The following NEO1 variants were observed in gnomAD, a reference collection of about 807,000 sequenced individuals.
The protein encoded by NEO1 is neogenin.
A neutral mutation model predicts 159.7 loss-of-function variants in NEO1; 63 were observed. The ratio of observed to expected loss-of-function variants is 0.39; its 90% CI spans 0.32 to 0.49. The LOEUF (loss-of-function observed/expected upper bound fraction) is 0.49. Ranked by LOEUF, NEO1 falls within the 20% of genes least tolerant of loss-of-function variation. The pLI is 0.85. For missense variants in NEO1, 1,615 were observed against 1,831.0 expected, an observed-to-expected ratio of 0.88 and a Z score of 2.15; for synonymous variants, 633 against 662.0, an observed-to-expected ratio of 0.96 and a Z score of 0.67.
intron 1 of NEO1, among the ~76,000 whole-genome samples, chr15:73,066,342 T>TTTA (rs1555420601): frequency 6.9e-6 from 1 of 145,812 alleles, no homozygotes; most frequent in African/African-American, 2.6e-5. Flanking sequence ...TTTTTTTTTT[T>TTTA]AAATAGTTTG....
chr15:73,182,889 A>G (rs547807946), intron 7 of NEO1, among the ~76,000 whole-genome samples: 2 of 152,038 alleles, frequency 1.3e-5, no homozygotes, highest in South Asian at 2.1e-4. Flanking sequence ...TCCCCACACA[A>G]CCCCCTCAAA....
chr15:73,104,029 A>T (rs544989036), intron 1 of NEO1, among the ~76,000 whole-genome samples: 6 of 152,032 alleles, frequency 3.9e-5, no homozygotes, highest in Middle Eastern at 3.4e-3. Context: ...TAATTTTTTT[A>T]AATGTATTTT....
intron 5 of NEO1, among the ~76,000 whole-genome samples, chr15:73,173,130 A>G (rs912777812): frequency 2.0e-5 from 3 of 152,216 alleles, no homozygotes; most frequent in East Asian, 1.9e-4. Context: ...AGTTGCAAAC[A>G]TCTTCAGTTT....
At chr15:73,154,802 A>G (rs764012271) in intron 5 of NEO1, among the ~76,000 whole-genome samples, 11 of 152,318 alleles carry the variant, frequency 7.2e-5, no homozygotes, top group Non-Finnish European at 1.3e-4. Flanking sequence ...CATTCCACCA[A>G]TCTATATCTT....
rs534773255 is a variant in NEO1 at position 73,199,866 on chromosome 15, C to T, written c.1291+21439C>T. On this transcript the variant is annotated intron_variant, in intron 7 of 28. Coordinates refer to ENST00000261908, the MANE Select transcript of NEO1 (RefSeq NM_002499.4). ...TATTGGGGAGGAACACTGTGTCTTC[C>T]GTGGCAAAAGGGGGACCTTCAACCT... Among the ~76,000 whole-genome samples the T allele has an allele frequency of 3.9e-4, 60 of 152,178 alleles. 1 individual carries two copies. The highest frequency in any genetic ancestry group is 1.4e-3 in the Admixed American group (22 of 15,284).
At chr15:73,153,996 C>T (rs1175271466) in intron 5 of NEO1, among the ~76,000 whole-genome samples, 3 of 151,916 alleles carry the variant, frequency 2.0e-5, no homozygotes, top group African/African-American at 7.2e-5. Context: ...ATTTTATTTC[C>T]AAGGTATAAT....
chr15:73,062,532 T>G (rs2068029371), intron 1 of NEO1, among the ~76,000 whole-genome samples: 1 of 152,228 alleles, frequency 6.6e-6, no homozygotes, highest in African/African-American at 2.4e-5. Context: ...CATGCTAACC[T>G]GATGTGGATT....
Position 73,220,441 on chromosome 15 carries a change from A to G in NEO1, c.1292-15906A>G, listed in dbSNP as rs2038172703. Among the ~76,000 whole-genome samples the G allele has an allele frequency of 2.0e-5, 3 of 151,824 alleles. No individual in the cohort carries two copies. In the South Asian group the frequency reaches 6.3e-4, roughly 32 times the overall value. On this transcript the variant is annotated intron_variant, in intron 7 of 28. Coordinates refer to ENST00000261908, the MANE Select transcript of NEO1 (RefSeq NM_002499.4). ...TCTTCTCGAGGAGTATCTTTGTGGC[A>G]TTCTCTGTATTTCCTGAATCTGAAT...
At chr15:73,174,426 G>A (rs148623171) in intron 5 of NEO1, among the ~76,000 whole-genome samples, 1 of 152,192 alleles carries the variant, frequency 6.6e-6, no homozygotes, top group Admixed American at 6.5e-5. Context: ...GATGACATGA[G>A]TTGGAGCTGG....
chr15:73,138,545 A>T (rs945162586), intron 5 of NEO1, among the ~76,000 whole-genome samples: 1 of 152,058 alleles, frequency 6.6e-6, no homozygotes, highest in Non-Finnish European at 1.5e-5. Flanking sequence ...TCACGAGGTC[A>T]GGAGATCGAG....
intron 4 of NEO1, among the ~76,000 whole-genome samples, chr15:73,133,122 A>T (rs1435234562): frequency 6.6e-6 from 1 of 152,196 alleles, no homozygotes; most frequent in African/African-American, 2.4e-5. Flanking sequence ...AAAAATATGG[A>T]ACCAGCCCAA....
rs778270229 is a variant in NEO1 at position 73,052,703 on chromosome 15, C to T, written c.28C>T (p.Leu10Phe). ...GGCGGCGGAGCGGGGAGCCCGGCGA[C>T]TCCTCAGCACCCCCTCCTTCTGGCT... MAAERGARRLLSTPSFWLYC... is the reference protein window; with the variant it reads MAAERGARRFLSTPSFWLYC... Residue 10 changes from leucine (L) to phenylalanine (F), a missense_variant, in exon 1 of 29, where the codon CTC becomes TTC. Around this residue, in one of 3 missense-constraint regions of NEO1, gnomAD observed 1,018 missense variants for 1,115.4 expected, o/e 0.91. Transcript: ENST00000261908. 2.2e-6 allele frequency: 3 copies of T among 1,357,798 alleles called. No homozygotes were observed. The highest frequency in any genetic ancestry group is 2.8e-5 in the Admixed American group (1 of 36,000). The allele number at this position is 1,357,798 out of a possible 1,614,324, so 84.1% of individuals were successfully genotyped here.
intron 1 of NEO1, among the ~76,000 whole-genome samples, chr15:73,115,012 A>G (rs1422015345): frequency 1.3e-5 from 2 of 152,228 alleles, no homozygotes; most frequent in Non-Finnish European, 2.9e-5. Context: ...CTTGAAAAAT[A>G]AATTTCATGG....
intron 5 of NEO1, among the ~76,000 whole-genome samples, chr15:73,156,288 C>T (rs967658376): frequency 2.0e-5 from 3 of 152,128 alleles, no homozygotes; most frequent in African/African-American, 7.2e-5. Context: ...TTGGTGGAGT[C>T]TGTGATGAGG....
At chr15:73,241,850 T>C (rs560095284) in intron 8 of NEO1, among the ~76,000 whole-genome samples, 1 of 152,346 alleles carries the variant, frequency 6.6e-6, no homozygotes, top group African/African-American at 2.4e-5. Flanking sequence ...ATGGTAATGC[T>C]TCTATAGAAA....
chr15:73,190,437 G>A (rs1444671104), intron 7 of NEO1, among the ~76,000 whole-genome samples: 2 of 152,160 alleles, frequency 1.3e-5, no homozygotes, highest in African/African-American at 4.8e-5. Context: ...TTAAATGACT[G>A]CTGGGATGTT....
intron 15 of NEO1, among the ~76,000 whole-genome samples, chr15:73,261,404 G>A (rs149238599): frequency 2.6e-5 from 4 of 151,968 alleles, no homozygotes; most frequent in South Asian, 2.1e-4. Context: ...ATATCTGTTC[G>A]TTGTAACTGG....
chr15:73,131,997 C>T (rs2031192440), intron 4 of NEO1, among the ~76,000 whole-genome samples: 1 of 152,176 alleles, frequency 6.6e-6, no homozygotes, highest in South Asian at 2.1e-4. Context: ...TTAAGGGTTA[C>T]TTTGTCAGGA....
chr15:73,104,464 AG>A (rs1234139060), intron 1 of NEO1, among the ~76,000 whole-genome samples: 2 of 152,242 alleles, frequency 1.3e-5, no homozygotes, highest in Non-Finnish European at 2.9e-5. Context: ...CTTTGAAAAT[AG>A]AAAAGTAAAA....
Sources: allele counts gnomAD v4.1 joint callset (sites outside exome capture counted in the v4.1 genomes callset), GRCh38; gene constraint gnomAD v4.1.1; regional missense constraint gnomAD v4.1.1; transcripts MANE v1.5; gene names NCBI Gene and HGNC (gene_info 2026-07-23, HGNC 2026-07-21).